The following SLC4A10 variants were observed in gnomAD, a reference collection of about 807,000 sequenced individuals.
SLC4A10 encodes sodium-driven chloride bicarbonate exchanger.
Under a neutral mutation model 137.7 loss-of-function variants are expected in SLC4A10, and 42 were observed. That is an observed-to-expected ratio of 0.30 (90% confidence interval 0.24 to 0.39). The LOEUF is 0.39. Ranked by LOEUF, SLC4A10 falls within the 10% of genes least tolerant of loss-of-function variation. The pLI, the probability that SLC4A10 is intolerant of heterozygous loss-of-function variation, is 1.00. For synonymous variants in SLC4A10, 474 were observed against 464.1 expected (o/e 1.02, Z -0.27); for missense variants, 925 against 1,355.0 (o/e 0.68, Z 4.98).
chr2:161,672,509 A>C (rs1574258531), intron 1 of SLC4A10, among the ~76,000 whole-genome samples: 1 of 146,404 alleles, frequency 6.8e-6, no homozygotes, highest in African/African-American at 2.5e-5. Context: ...GTCTAAAAAA[A>C]ATTTTTTTTT....
At chr2:161,775,758 T>C (rs2125444635) in intron 2 of SLC4A10, among the ~76,000 whole-genome samples, 1 of 152,074 alleles carries the variant, frequency 6.6e-6, no homozygotes, top group East Asian at 1.9e-4. Flanking sequence ...TTTCTCAGAA[T>C]GAATGATGGC....
chr2:161,836,571 AG>A (rs2058809053), intron 3 of SLC4A10, among the ~76,000 whole-genome samples: 1 of 135,880 alleles, frequency 7.4e-6, no homozygotes, highest in Non-Finnish European at 1.6e-5. Context: ...AAAGAAAGAA[AG>A]AAAGAAAGAA....
chr2:161,856,461 G>C (rs1448304519), intron 5 of SLC4A10, among the ~76,000 whole-genome samples: 1 of 151,470 alleles, frequency 6.6e-6, no homozygotes, highest in Non-Finnish European at 1.5e-5. Context: ...CCTATAAAGA[G>C]ATTATTCTTT....
intron 15 of SLC4A10, among the ~76,000 whole-genome samples, chr2:161,928,411 T>A (rs1324605699): frequency 1.4e-5 from 2 of 144,864 alleles, no homozygotes; most frequent in Non-Finnish European, 3.0e-5. Flanking sequence ...TTAGGAGATA[T>A]ACCTAATGCT....
At chr2:161,799,676 A>AT (rs1482358784) in intron 2 of SLC4A10, among the ~76,000 whole-genome samples, 1 of 151,956 alleles carries the variant, frequency 6.6e-6, no homozygotes, top group African/African-American at 2.4e-5. Context: ...TATTTATCGT[A>AT]TTAGCTCATG....
At chr2:161,706,212 G>T (rs1435011160) in intron 1 of SLC4A10, among the ~76,000 whole-genome samples, 1 of 151,494 alleles carries the variant, frequency 6.6e-6, no homozygotes, top group Non-Finnish European at 1.5e-5. Flanking sequence ...AACACTGAAG[G>T]AAATTGGGGA....
intron 1 of SLC4A10, among the ~76,000 whole-genome samples, chr2:161,692,407 G>A (rs767545725): frequency 6.6e-6 from 1 of 151,986 alleles, no homozygotes. Flanking sequence ...TTCCTTGTCT[G>A]CATGATTATA....
At chr2:161,977,841 A>AT (rs1431781035) in intron 26 of SLC4A10, 81 bp downstream of exon 26, 1 of 1,345,564 alleles carries the variant, frequency 7.4e-7, no homozygotes, top group African/African-American at 1.5e-5. Context: ...TGGTCAGTCT[A>AT]TGTCCTCTGT....
intron 1 of SLC4A10, among the ~76,000 whole-genome samples, chr2:161,711,702 G>C (rs911591275): frequency 6.6e-6 from 1 of 151,706 alleles, no homozygotes; most frequent in African/African-American, 2.4e-5. Flanking sequence ...AAATTCTTCT[G>C]GTTTGTAATG....
chr2:161,949,963 A>G (rs1487866147), intron 18 of SLC4A10, among the ~76,000 whole-genome samples: 3 of 151,716 alleles, frequency 2.0e-5, no homozygotes, highest in Non-Finnish European at 4.4e-5. Context: ...TCAGCTTTTC[A>G]AATTAGGGGC....
chr2:161,842,442 A>T (rs755833341), intron 4 of SLC4A10, among the ~76,000 whole-genome samples: 2 of 151,964 alleles, frequency 1.3e-5, no homozygotes, highest in Non-Finnish European at 2.9e-5. Flanking sequence ...GAGGTACAAC[A>T]TCTTTTCCTA....
chr2:161,640,022 A>G (rs1251322456), intron 1 of SLC4A10, among the ~76,000 whole-genome samples: 2 of 152,226 alleles, frequency 1.3e-5, no homozygotes, highest in Non-Finnish European at 2.9e-5. Context: ...TCCATTTATA[A>G]TAGCTCATGG....
chr2:161,742,369 C>G (rs762805275), intron 1 of SLC4A10, among the ~76,000 whole-genome samples: 2 of 150,160 alleles, frequency 1.3e-5, no homozygotes, highest in African/African-American at 2.4e-5. Context: ...TATGGTAATT[C>G]TATTTTTAGT....
At chr2:161,880,401 A>G (rs905673632) in intron 9 of SLC4A10, among the ~76,000 whole-genome samples, 1 of 152,158 alleles carries the variant, frequency 6.6e-6, no homozygotes, top group African/African-American at 2.4e-5. Flanking sequence ...TTCTACAACT[A>G]TGGAACAGCA....
intron 1 of SLC4A10, among the ~76,000 whole-genome samples, chr2:161,708,466 C>G (rs1039445176): frequency 6.6e-6 from 1 of 151,594 alleles, no homozygotes; most frequent in Non-Finnish European, 1.5e-5. Context: ...AATGGGAAAT[C>G]TGAAGGATGT....
At chr2:161,663,606 A>G (rs546187673) in intron 1 of SLC4A10, among the ~76,000 whole-genome samples, 1 of 152,250 alleles carries the variant, frequency 6.6e-6, no homozygotes, top group Admixed American at 6.5e-5. Context: ...GGGAAAATAT[A>G]AATTATAAAA....
At chr2:161,716,196 A>G (rs985734073) in intron 1 of SLC4A10, among the ~76,000 whole-genome samples, 1 of 148,376 alleles carries the variant, frequency 6.7e-6, no homozygotes, top group Admixed American at 6.7e-5. Context: ...TTTTTCTTGT[A>G]AATTTGTTTA....
intron 9 of SLC4A10, among the ~76,000 whole-genome samples, chr2:161,880,500 G>A (rs750546946): frequency 6.6e-6 from 1 of 152,068 alleles, no homozygotes; most frequent in Non-Finnish European, 1.5e-5. Context: ...TGGTTTGGGG[G>A]AGGAATCTAG....
chr2:161,976,584 C>A (rs989711789), intron 24 of SLC4A10, among the ~76,000 whole-genome samples, 176 bp from the exon 25 acceptor site: 1 of 152,094 alleles, frequency 6.6e-6, no homozygotes, highest in Non-Finnish European at 1.5e-5. Context: ...CTGAACTGTA[C>A]TTTTAAAAAT....
Sources: allele counts gnomAD v4.1 joint callset (sites outside exome capture counted in the v4.1 genomes callset), GRCh38; gene constraint gnomAD v4.1.1; transcripts MANE v1.5; gene names NCBI Gene and HGNC (gene_info 2026-07-23, HGNC 2026-07-21).